FSTL4: variants seen among roughly 807,000 people sequenced by gnomAD.
The protein encoded by FSTL4 is follistatin-related protein 4.
A neutral mutation model predicts 78.2 loss-of-function variants in FSTL4; 28 were observed. That is an observed-to-expected ratio of 0.36 (90% confidence interval 0.27 to 0.49). The LOEUF (loss-of-function observed/expected upper bound fraction) is 0.49, where lower values mean the gene tolerates loss of function less well. FSTL4 is among the 20% of genes least tolerant of loss of function. The pLI is 0.98. For missense variants in FSTL4, 922 were observed against 1,084.9 expected (o/e 0.85, Z 2.11); for synonymous variants, 422 against 440.5 (o/e 0.96, Z 0.53).
intron 14 of FSTL4, among the ~76,000 whole-genome samples, chr5:133,203,430 G>A (rs1750391642): frequency 6.6e-6 from 1 of 152,322 alleles, no homozygotes; most frequent in Middle Eastern, 3.4e-3. Context: ...CACCTGGCCT[G>A]CCTCCTCAGG....
chr5:133,804,669 T>C, the FSTL4 span, among the ~76,000 whole-genome samples: 51 of 152,250 alleles, frequency 3.3e-4, 1 homozygote, highest in South Asian at 9.1e-3. Context: ...TGGCTGGGGC[T>C]TCCACTCCCT....
the FSTL4 span, among the ~76,000 whole-genome samples, chr5:133,710,957 A>T: frequency 6.6e-6 from 1 of 152,350 alleles, no homozygotes; most frequent in African/African-American, 2.4e-5. Context: ...ATATATGCAC[A>T]AATGAGCAAC....
At chr5:133,747,856 G>A in the FSTL4 span, among the ~76,000 whole-genome samples, 4 of 152,190 alleles carry the variant, frequency 2.6e-5, no homozygotes, top group African/African-American at 7.2e-5. Context: ...ACAGTGATCC[G>A]GTGGGTGATG....
chr5:133,435,674 T>C (rs1757020024), intron 3 of FSTL4, among the ~76,000 whole-genome samples: 1 of 152,240 alleles, frequency 6.6e-6, no homozygotes, highest in Non-Finnish European at 1.5e-5. Context: ...GGCCTTTCTG[T>C]TCAGTTCTAC....
At chr5:133,369,956 T>C (rs1249514281) in intron 4 of FSTL4, among the ~76,000 whole-genome samples, 1 of 149,804 alleles carries the variant, frequency 6.7e-6, no homozygotes, top group Non-Finnish European at 1.5e-5. Flanking sequence ...AGTGAGGCGC[T>C]GCTGATTTGA....
rs560008682 is a variant in FSTL4, at chr5:133,612,519, G to C, written c.-205C>G. Reference sequence around the variant, plus strand: ...CGCCGCTGCCCGCTGCTGTGCCACCGCCGCCGCGGCTGCCCTATTTCTGCC... The same window carrying C: ...CGCCGCTGCCCGCTGCTGTGCCACCCCCGCCGCGGCTGCCCTATTTCTGCC... On this transcript the variant is annotated 5_prime_UTR_variant, in exon 1 of 16. Coordinates refer to ENST00000265342, the MANE Select transcript of FSTL4 (RefSeq NM_015082.2). The surrounding 1 kb of genome is among the most constrained non-coding windows in gnomAD (Gnocchi z 6.2). 1.4e-3 allele frequency: 219 copies of C among 152,182 alleles called. No individual in the cohort carries two copies. The highest frequency in any genetic ancestry group is 2.5e-3 in the Non-Finnish European group (168 of 68,096). 9.4% of individuals were successfully genotyped at this position (152,182 alleles called of 1,614,324 possible). A position where few individuals can be genotyped will look rare whatever the true frequency, so the allele number is the denominator to read the frequency against.
the FSTL4 span, among the ~76,000 whole-genome samples, chr5:133,705,121 C>T: frequency 1.3e-5 from 2 of 152,146 alleles, no homozygotes; most frequent in Non-Finnish European, 2.9e-5. Flanking sequence ...AGTGCAGTGG[C>T]ACAATCTCGG....
chr5:133,736,820 G>A, the FSTL4 span, among the ~76,000 whole-genome samples: 1 of 152,204 alleles, frequency 6.6e-6, no homozygotes, highest in African/African-American at 2.4e-5. Flanking sequence ...CAGATGGACT[G>A]CAGCCTTGTC....
At chr5:133,633,990 A>T in the FSTL4 span, among the ~76,000 whole-genome samples, 13 of 152,280 alleles carry the variant, frequency 8.5e-5, no homozygotes, top group East Asian at 2.5e-3. Context: ...GCTTCCACTG[A>T]CATCATGGGG....
At chr5:133,538,913 G>A (rs149832751) in intron 3 of FSTL4, among the ~76,000 whole-genome samples, 164 of 152,214 alleles carry the variant, frequency 1.1e-3, no homozygotes, top group African/African-American at 3.7e-3. Flanking sequence ...CTTGTTGAGC[G>A]TCTCTCTTTC....
intron 3 of FSTL4, among the ~76,000 whole-genome samples, chr5:133,564,069 G>A (rs1759976434): frequency 1.3e-5 from 2 of 152,148 alleles, no homozygotes; most frequent in African/African-American, 2.4e-5. Flanking sequence ...AGGGTCCCTT[G>A]CAACTTGCCA....
intron 3 of FSTL4, among the ~76,000 whole-genome samples, chr5:133,558,971 A>G (rs30488): frequency 0.78 from 118,230 of 152,158 alleles, 46,062 homozygotes; most frequent in Admixed American, 0.82. Flanking sequence ...GCTCTGCTCC[A>G]GCTGAAGCAG....
intron 3 of FSTL4, among the ~76,000 whole-genome samples, chr5:133,436,377 C>T (rs1159639272): frequency 6.6e-6 from 1 of 152,032 alleles, no homozygotes; most frequent in Non-Finnish European, 1.5e-5. Flanking sequence ...TGGAGGATGA[C>T]CTGTGGCAGG....
the FSTL4 span, among the ~76,000 whole-genome samples, chr5:133,700,946 G>A: frequency 0.32 from 47,941 of 152,092 alleles, 7,824 homozygotes; most frequent in African/African-American, 0.39. Context: ...CTGCCCCCAC[G>A]GACTTGAGAA....
chr5:133,567,240 T>G, intron 2 of FSTL4, 21 bp from the exon 3 acceptor site: 1 of 1,585,066 alleles, frequency 6.3e-7, no homozygotes, highest in Middle Eastern at 1.7e-4. Flanking sequence ...AGAAAGACTT[T>G]GTGTTTTCTG....
At chr5:133,489,889 C>T (rs993102457) in intron 3 of FSTL4, among the ~76,000 whole-genome samples, 1 of 152,192 alleles carries the variant, frequency 6.6e-6, no homozygotes, top group Admixed American at 6.5e-5. Context: ...CAGCCTCCAG[C>T]CTGAAACCAG....
chr5:133,371,839 C>T (rs935976277), intron 4 of FSTL4, among the ~76,000 whole-genome samples: 1 of 152,210 alleles, frequency 6.6e-6, no homozygotes, highest in Non-Finnish European at 1.5e-5. Context: ...TCAGACCTCG[C>T]TCCCGGGGCA....
At chr5:133,324,629 T>C (rs1158146710) in intron 4 of FSTL4, among the ~76,000 whole-genome samples, 2 of 152,254 alleles carry the variant, frequency 1.3e-5, no homozygotes, top group East Asian at 3.8e-4. Flanking sequence ...TCCAGTGCAG[T>C]GGGGCCTTGC....
At chr5:133,515,416 A>C (rs1477248686) in intron 3 of FSTL4, among the ~76,000 whole-genome samples, 1 of 152,094 alleles carries the variant, frequency 6.6e-6, no homozygotes, top group Non-Finnish European at 1.5e-5. Flanking sequence ...AAAAAAAAAA[A>C]AACTTCCAAA....
Sources: gnomAD v4.1 joint callset for allele counts (sites outside exome capture counted in the v4.1 genomes callset) on GRCh38, gnomAD v4.1.1 for gene constraint, Gnocchi (gnomAD v3.1) non-coding constraint, MANE v1.5 for transcripts, NCBI Gene and HGNC (gene_info 2026-07-23, HGNC 2026-07-21) for gene names.